TNR: variants seen among roughly 807,000 people sequenced by gnomAD.
TNR encodes tenascin R, also known as tenascin-R.
TNR carries 45 observed loss-of-function variants against 150.4 expected under a neutral mutation model. The observed-to-expected ratio is 0.30, with a 90% CI of 0.24 to 0.38. The LOEUF (loss-of-function observed/expected upper bound fraction) is 0.38. Among genes scored for constraint, TNR ranks in the 10% least tolerant of loss-of-function variants. The pLI, the probability that TNR is intolerant of heterozygous loss-of-function variation, is 1.00. For missense variants in TNR, 1,544 were observed against 1,759.1 expected, an observed-to-expected ratio of 0.88 and a Z score of 2.19; for synonymous variants, 687 against 678.4, an observed-to-expected ratio of 1.01 and a Z score of -0.20.
chr1:175,353,222 T>C (rs541514885), intron 18 of TNR, among the ~76,000 whole-genome samples: 2 of 152,296 alleles, frequency 1.3e-5, no homozygotes, highest in African/African-American at 4.8e-5. Context: ...CCAGCTCCCT[T>C]ACTTAAGAGC....
At chr1:175,444,003 G>C (rs1053825013) in intron 2 of TNR, among the ~76,000 whole-genome samples, 2 of 152,154 alleles carry the variant, frequency 1.3e-5, no homozygotes, top group African/African-American at 4.8e-5. Flanking sequence ...TGTGTTTATG[G>C]GAGAGCTTTA....
chr1:175,530,441 G>A (rs534141138), intron 1 of TNR, among the ~76,000 whole-genome samples: 1 of 152,236 alleles, frequency 6.6e-6, no homozygotes, highest in Non-Finnish European at 1.5e-5. Flanking sequence ...GCTGTGAGCT[G>A]TCAGCAGCCA....
chr1:175,719,407 G>A (rs1327856306), intron 1 of TNR, among the ~76,000 whole-genome samples: 15 of 152,214 alleles, frequency 9.9e-5, no homozygotes, highest in Non-Finnish European at 2.1e-4. Context: ...AGCCTGTGCA[G>A]CCATCAGAGT....
chr1:175,625,588 G>A (rs1475637037), intron 1 of TNR, among the ~76,000 whole-genome samples: 1 of 152,264 alleles, frequency 6.6e-6, no homozygotes, highest in Non-Finnish European at 1.5e-5. Flanking sequence ...GTGACTCTGA[G>A]CAGAGCCTTC....
Position 175,359,718 on chromosome 1 carries a change from A to G in TNR, c.2868T>C (p.Pro956=), listed in dbSNP as rs1651504923. The G allele has an allele frequency of 6.2e-7, 1 of 1,612,410 alleles. No individual in the cohort carries two copies. ...TGATATTGGTAGCAATCAGATCCAC[A>G]GGGTTGTCCATGGCTGAAACAGAAT... is the stretch of plus-strand genomic sequence containing the variant. ...CTLVHTAMDN[P]VDLIATNITP... Residue 956 remains proline, a synonymous_variant, in exon 15 of 23, where the codon CCT becomes CCC. Coordinates refer to ENST00000367674, the MANE Select transcript of TNR (RefSeq NM_003285.3).
chr1:175,410,508 G>A (rs774970529), intron 2 of TNR, among the ~76,000 whole-genome samples: 23 of 152,150 alleles, frequency 1.5e-4, no homozygotes, highest in Non-Finnish European at 2.8e-4. Context: ...CAACTCTGCC[G>A]GGGGCTGCAG....
At chr1:175,398,684 T>C (rs1355561685) in intron 4 of TNR, among the ~76,000 whole-genome samples, 1 of 152,228 alleles carries the variant, frequency 6.6e-6, no homozygotes, top group Non-Finnish European at 1.5e-5. Context: ...TACCATTTTA[T>C]AGATGACGAA....
chr1:175,619,688 G>A (rs1366694465), intron 1 of TNR, among the ~76,000 whole-genome samples: 1 of 152,212 alleles, frequency 6.6e-6, no homozygotes, highest in African/African-American at 2.4e-5. Context: ...CAGAGATGTT[G>A]TGACACTTGT....
chr1:175,450,894 C>G (rs1289663684), intron 2 of TNR, among the ~76,000 whole-genome samples: 2 of 152,202 alleles, frequency 1.3e-5, no homozygotes, highest in African/African-American at 4.8e-5. Flanking sequence ...GTTAACTGCT[C>G]ATTTTAGGGG....
chr1:175,365,677 C>T (rs561838258), intron 11 of TNR, among the ~76,000 whole-genome samples, 198 bp downstream of exon 11: 4 of 152,284 alleles, frequency 2.6e-5, no homozygotes, highest in African/African-American at 9.6e-5. Context: ...AGGCAGGTAA[C>T]ACTATTGCTC....
chr1:175,418,054 A>T (rs1654580625), intron 2 of TNR, among the ~76,000 whole-genome samples: 1 of 152,204 alleles, frequency 6.6e-6, no homozygotes, highest in South Asian at 2.1e-4. Context: ...TGCATGAAAT[A>T]ACATAATTAT....
At chr1:175,406,095 CG>C (rs765295142) in intron 3 of TNR, 120 bp downstream of exon 3, 5 of 1,341,568 alleles carry the variant, frequency 3.7e-6, no homozygotes, top group Non-Finnish European at 5.0e-6. Context: ...GAAGAGATGC[CG>C]GGGTTTTGCT....
In TNR at chr1:175,716,782, C is replaced by T. The variant is rs1368047541; in HGVS notation, c.-165+26444G>A. 3.3e-5 allele frequency among the ~76,000 whole-genome samples: 5 copies of T among 152,352 alleles called. No homozygotes were observed. In the East Asian group the frequency reaches 5.8e-4, roughly 18 times the overall value. On this transcript the variant is annotated intron_variant, in intron 1 of 22. Coordinates refer to ENST00000367674, the MANE Select transcript of TNR (RefSeq NM_003285.3). Reference sequence around the variant, plus strand: ...AAAGCCTGCTCAGGTGACTCTAATACGTAGCCAGGTGAAGACCACTGCTCT... The same window carrying T: ...AAAGCCTGCTCAGGTGACTCTAATATGTAGCCAGGTGAAGACCACTGCTCT...
At chr1:175,509,637 C>T (rs905998731) in intron 2 of TNR, among the ~76,000 whole-genome samples, 4 of 152,174 alleles carry the variant, frequency 2.6e-5, no homozygotes, top group African/African-American at 9.7e-5. Flanking sequence ...AGAGGACAGT[C>T]TTCCAGAAAA....
chr1:175,617,137 T>A lies in TNR; in HGVS notation c.-164-88768A>T, dbSNP rs982533243. On this transcript the variant is annotated intron_variant, in intron 1 of 22. Transcript: ENST00000367674. Reference sequence around the variant, plus strand: ...CCCTTCCACAAGCCAATTGTGAGGATTCAATGGCATGGTTAGAGTCCCTGT... The same window carrying A: ...CCCTTCCACAAGCCAATTGTGAGGAATCAATGGCATGGTTAGAGTCCCTGT... Among the ~76,000 whole-genome samples, 4 of 152,216 alleles carry A rather than the reference T, an allele frequency of 2.6e-5. No individual in the cohort carries two copies. In the South Asian group the frequency reaches 8.3e-4, roughly 32 times the overall value.
In TNR at chr1:175,355,733, G is replaced by A. The variant is rs1651294081; in HGVS notation, c.3119-100C>T. Reference sequence around the variant, plus strand: ...TCTGTTGCCCACCTCTTTGGTCTCAGGATTGCTCACATGCTGACCCCTGCT... The same window carrying A: ...TCTGTTGCCCACCTCTTTGGTCTCAAGATTGCTCACATGCTGACCCCTGCT... On this transcript the variant is annotated intron_variant, in intron 16 of 22. Coordinates refer to ENST00000367674, the MANE Select transcript of TNR (RefSeq NM_003285.3). 1.8e-5 allele frequency: 27 copies of A among 1,536,176 alleles called. No homozygotes were observed. The South Asian group carries it at 2.3e-4, about 13-fold the overall frequency.
At chr1:175,580,870 G>T (rs1432372993) in intron 1 of TNR, among the ~76,000 whole-genome samples, 1 of 152,044 alleles carries the variant, frequency 6.6e-6, no homozygotes, top group Non-Finnish European at 1.5e-5. Flanking sequence ...TCTTTCCATT[G>T]TGAGAGTGGG....
At chr1:175,609,591 C>A (rs571192312) in intron 1 of TNR, among the ~76,000 whole-genome samples, 1 of 152,156 alleles carries the variant, frequency 6.6e-6, no homozygotes. Flanking sequence ...CCTGCAGATG[C>A]CCCTGTACTC....
intron 1 of TNR, among the ~76,000 whole-genome samples, chr1:175,738,010 T>G (rs1188248838): frequency 6.6e-6 from 1 of 152,200 alleles, no homozygotes; most frequent in Admixed American, 6.5e-5. Context: ...GCATCCATGC[T>G]CACTTAAACT....
Sources: allele counts gnomAD v4.1 joint callset (sites outside exome capture counted in the v4.1 genomes callset), GRCh38; gene constraint gnomAD v4.1.1; transcripts MANE v1.5; gene names NCBI Gene and HGNC (gene_info 2026-07-23, HGNC 2026-07-21).